Variants in BCKDHB observed in about 807,000 individuals in gnomAD.
BCKDHB encodes the protein branched chain keto acid dehydrogenase E1 subunit beta.
Under a neutral mutation model 48.5 loss-of-function variants are expected in BCKDHB, and 41 were observed. That is an observed-to-expected ratio of 0.85 (90% CI 0.66 to 1.10). BCKDHB has a LOEUF of 1.10. Among genes scored for constraint, BCKDHB ranks in the 50% least tolerant of loss-of-function variants. BCKDHB has a pLI of 0.00. For missense variants in BCKDHB, 496 were observed against 494.2 expected, an observed-to-expected ratio of 1.00 and a Z score of -0.03; for synonymous variants, 201 against 174.8, an observed-to-expected ratio of 1.15 and a Z score of -1.18.
intron 3 of BCKDHB, among the ~76,000 whole-genome samples, chr6:80,139,870 A>G (rs1428908820): frequency 1.3e-5 from 2 of 152,192 alleles, no homozygotes; most frequent in African/African-American, 2.4e-5. Context: ...TGGGGATGGC[A>G]TTGAATCTAT....
the BCKDHB span, among the ~76,000 whole-genome samples, chr6:80,408,881 G>C: frequency 6.7e-6 from 1 of 149,022 alleles, no homozygotes; most frequent in African/African-American, 2.5e-5. Context: ...CTTCAGTGCT[G>C]CTCTGATCTT....
Position 80,167,683 on chromosome 6 carries a change from G to A in BCKDHB, c.349G>A (p.Asp117Asn), listed in dbSNP as rs748499543. Reference sequence around the variant, plus strand: ...TTTTTCTTTTCTATTTTAAGGAAAAGATAGAGTTTTTAATACCCCATTGTG... The same window carrying A: ...TTTTTCTTTTCTATTTTAAGGAAAAAATAGAGTTTTTAATACCCCATTGTG... Reference protein sequence around the residue: ...TVGLRDKYGKDRVFNTPLCEQ... With the variant: ...TVGLRDKYGKNRVFNTPLCEQ... The change falls in exon 4 of 10, where the codon GAT becomes AAT. Residue 117 changes from aspartate to asparagine, a missense_variant. Physicochemically the swap from Asp to Asn is conservative, Grantham distance 23. Transcript: ENST00000320393. 5.6e-6 allele frequency: 9 copies of A among 1,608,214 alleles called. No individual in the cohort carries two copies. The highest frequency in any genetic ancestry group is 1.7e-5 in the Admixed American group (1 of 59,996).
At chr6:80,197,952 A>ATCCATCCATCCATCCG (rs1378022391) in intron 6 of BCKDHB, among the ~76,000 whole-genome samples, 1 of 150,646 alleles carries the variant, frequency 6.6e-6, no homozygotes, top group African/African-American at 2.5e-5. Context: ...CCATCCATCC[A>ATCCATCCATCCATCCG]TCCATCCATC....
At chr6:80,164,221 C>G (rs1274353427) in intron 3 of BCKDHB, among the ~76,000 whole-genome samples, 4 of 152,170 alleles carry the variant, frequency 2.6e-5, no homozygotes, top group African/African-American at 9.7e-5. Context: ...TCCTGTAACT[C>G]CTTGACTTTA....
At chr6:80,355,832 A>AG in the BCKDHB span, 1 of 152,162 alleles carries the variant, frequency 6.6e-6, no homozygotes, top group East Asian at 1.9e-4. Flanking sequence ...TAGCTATGGA[A>AG]GGCACCTAAG....
intron 8 of BCKDHB, among the ~76,000 whole-genome samples, chr6:80,266,980 G>A (rs1034059626): frequency 2.6e-5 from 4 of 151,708 alleles, no homozygotes; most frequent in Admixed American, 2.6e-4. Flanking sequence ...ATAGTATAGA[G>A]ACCACCACCA....
At chr6:80,142,941 A>G (rs932879106) in intron 3 of BCKDHB, among the ~76,000 whole-genome samples, 21 of 152,138 alleles carry the variant, frequency 1.4e-4, no homozygotes, top group African/African-American at 4.8e-4. Flanking sequence ...GGAGATTATC[A>G]GTGTAACATT....
At chr6:80,300,556 T>C (rs1035910178) in intron 9 of BCKDHB, among the ~76,000 whole-genome samples, 1 of 152,274 alleles carries the variant, frequency 6.6e-6, no homozygotes, top group Admixed American at 6.5e-5. Context: ...CACACAGTAA[T>C]AGTAGGAGAC....
At chr6:80,408,773 G>T in the BCKDHB span, among the ~76,000 whole-genome samples, 14 of 145,522 alleles carry the variant, frequency 9.6e-5, no homozygotes, top group Non-Finnish European at 2.1e-4. Flanking sequence ...GTTGCTAGCG[G>T]TCTATCTATT....
chr6:80,224,240 A>G (rs1775584461), intron 8 of BCKDHB, among the ~76,000 whole-genome samples: 1 of 152,106 alleles, frequency 6.6e-6, no homozygotes, highest in African/African-American at 2.4e-5. Context: ...ATGGCCCAGA[A>G]GGCTCCCATG....
intron 9 of BCKDHB, among the ~76,000 whole-genome samples, chr6:80,295,500 A>C (rs567265128): frequency 6.6e-6 from 1 of 152,156 alleles, no homozygotes; most frequent in African/African-American, 2.4e-5. Context: ...CTCCCACCGG[A>C]TCTCTCCCAT....
At chr6:80,458,094 A>G in the BCKDHB span, among the ~76,000 whole-genome samples, 40 of 152,208 alleles carry the variant, frequency 2.6e-4, no homozygotes, top group African/African-American at 6.8e-4. Context: ...GTTGAGTTCA[A>G]TGAAGCCTTA....
chr6:80,367,925 A>AT, the BCKDHB span, among the ~76,000 whole-genome samples: 14 of 152,300 alleles, frequency 9.2e-5, no homozygotes, highest in East Asian at 1.9e-4. Flanking sequence ...TCAAAGATAC[A>AT]TTTTTTTAAA....
intron 9 of BCKDHB, among the ~76,000 whole-genome samples, chr6:80,273,465 A>G (rs573912962): frequency 1.3e-5 from 2 of 152,216 alleles, no homozygotes; most frequent in South Asian, 4.1e-4. Flanking sequence ...AAGCTGAAAA[A>G]TTTTTTATGG....
At chr6:80,305,096 T>G (rs557864798) in intron 9 of BCKDHB, among the ~76,000 whole-genome samples, 1 of 152,122 alleles carries the variant, frequency 6.6e-6, no homozygotes, top group African/African-American at 2.4e-5. Flanking sequence ...ATTTTCTACA[T>G]AGAAAATCTA....
intron 8 of BCKDHB, among the ~76,000 whole-genome samples, chr6:80,259,351 C>T (rs989118283): frequency 1.3e-5 from 2 of 152,168 alleles, no homozygotes; most frequent in African/African-American, 4.8e-5. Flanking sequence ...TTGGCAGTCC[C>T]AGGGTAAAGT....
the BCKDHB span, among the ~76,000 whole-genome samples, chr6:80,404,653 G>T: frequency 4.6e-5 from 7 of 151,802 alleles, no homozygotes; most frequent in African/African-American, 1.7e-4. Context: ...AGGTATAACA[G>T]GTTGTTTATT....
chr6:80,436,692 T>G, the BCKDHB span, among the ~76,000 whole-genome samples: 1 of 152,214 alleles, frequency 6.6e-6, no homozygotes, highest in Non-Finnish European at 1.5e-5. Flanking sequence ...TTACTTATAG[T>G]GCTTTTCATA....
intron 6 of BCKDHB, among the ~76,000 whole-genome samples, chr6:80,187,728 GCTCAACATCACCC>G (rs1282002470): frequency 6.6e-6 from 1 of 152,104 alleles, no homozygotes; most frequent in Non-Finnish European, 1.5e-5. Flanking sequence ...ACGAGAAAAT[GCTCAACATCACCC>G]ATCATTAGAG....
Sources: gnomAD v4.1 joint callset for allele counts (sites outside exome capture counted in the v4.1 genomes callset) on GRCh38, gnomAD v4.1.1 for gene constraint, MANE v1.5 for transcripts, NCBI Gene and HGNC (gene_info 2026-07-23, HGNC 2026-07-21) for gene names.